ARID1B: variants seen among roughly 807,000 people sequenced by gnomAD.
The protein encoded by ARID1B is AT-rich interaction domain 1B.
In ARID1B, 30 loss-of-function variants were observed where a neutral mutation model predicts 212.3. The ratio of observed to expected loss-of-function variants is 0.14; its 90% CI spans 0.11 to 0.19. The LOEUF is 0.19. Ranked by LOEUF, ARID1B falls within the 10% of genes least tolerant of loss-of-function variation. The pLI, the probability that ARID1B is intolerant of heterozygous loss-of-function variation, is 1.00. For missense variants in ARID1B, 2,891 were observed against 3,204.0 expected (o/e 0.90, Z 2.36); for synonymous variants, 1,402 against 1,301.7 (o/e 1.08, Z -1.66).
At chr6:156,825,512 G>A (rs577082513) in intron 1 of ARID1B, among the ~76,000 whole-genome samples, 1 of 152,344 alleles carries the variant, frequency 6.6e-6, no homozygotes, top group East Asian at 1.9e-4. Flanking sequence ...TGATGGCAGT[G>A]ATGAGACAGA....
chr6:156,797,007 G>A (rs547839689), intron 1 of ARID1B, among the ~76,000 whole-genome samples: 189 of 148,018 alleles, frequency 1.3e-3, no homozygotes, highest in Middle Eastern at 3.4e-3. Flanking sequence ...GGAAAGGAGA[G>A]TGGTGAGTCA....
intron 2 of ARID1B, among the ~76,000 whole-genome samples, chr6:156,831,499 G>A (rs1016403414): frequency 6.6e-6 from 1 of 152,256 alleles, no homozygotes; most frequent in Admixed American, 6.5e-5. Flanking sequence ...AGTTCTAGAT[G>A]TTGGCTTAGT....
intron 2 of ARID1B, among the ~76,000 whole-genome samples, chr6:156,847,085 A>G (rs1408237145): frequency 6.6e-6 from 1 of 151,996 alleles, no homozygotes; most frequent in African/African-American, 2.4e-5. Flanking sequence ...GTCCCATGGA[A>G]GAGTAGAGAG....
chr6:157,164,769 A>T (rs1791204910), intron 8 of ARID1B: 1 of 152,270 alleles, frequency 6.6e-6, no homozygotes, highest in Non-Finnish European at 1.5e-5. Context: ...CAAAAGGCAT[A>T]GATGAAGCTA....
intron 4 of ARID1B, among the ~76,000 whole-genome samples, chr6:156,962,867 C>T (rs958400658): frequency 2.0e-5 from 3 of 152,168 alleles, no homozygotes; most frequent in Non-Finnish European, 4.4e-5. Context: ...ACTGCAACCT[C>T]TGCCTCCTGG....
rs566929684 is a variant in ARID1B at position 157,200,254 on chromosome 6, G to A, written c.4480-451G>A. 3.3e-5 allele frequency among the ~76,000 whole-genome samples: 5 copies of A among 152,230 alleles called. No homozygotes were observed. The highest frequency in any genetic ancestry group is 1.3e-4 in the Admixed American group (2 of 15,304). ...CAGTCTGGGGAGCCGAGTCCTGTTC[G>A]GGGGCTTTTCTGTAAAATGAGGCCC... On this transcript the variant is annotated intron_variant, in intron 17 of 19. Transcript: ENST00000636930. This position sits in a 1 kb window ranked among gnomAD's most constrained non-coding sequence, Gnocchi z 4.3.
chr6:156,887,567 A>G (rs1195495797), intron 2 of ARID1B, among the ~76,000 whole-genome samples: 1 of 152,084 alleles, frequency 6.6e-6, no homozygotes, highest in East Asian at 1.9e-4. Flanking sequence ...TGAAATTTTC[A>G]TTTTTGATGG....
At chr6:157,122,337 C>T (rs1339365180) in intron 6 of ARID1B, among the ~76,000 whole-genome samples, 1 of 152,196 alleles carries the variant, frequency 6.6e-6, no homozygotes, top group Non-Finnish European at 1.5e-5. Flanking sequence ...TTACTATTCA[C>T]AAGAGAATGC....
intron 4 of ARID1B, among the ~76,000 whole-genome samples, chr6:156,977,284 CT>C (rs199671090): frequency 0.056 from 7,240 of 128,696 alleles, 349 homozygotes; most frequent in African/African-American, 0.15. Context: ...CCTGTCTCCT[CT>C]TTTTTTTTTT....
intron 11 of ARID1B, among the ~76,000 whole-genome samples, chr6:157,177,140 G>T (rs1792150576): frequency 6.6e-6 from 1 of 152,050 alleles, no homozygotes; most frequent in Non-Finnish European, 1.5e-5. Context: ...CCATATATAT[G>T]ATCTCTTCCT....
chr6:156,894,117 ACAC>A (rs1788182438), intron 2 of ARID1B, among the ~76,000 whole-genome samples: 1 of 152,150 alleles, frequency 6.6e-6, no homozygotes, highest in Non-Finnish European at 1.5e-5. Context: ...AACATGATAC[ACAC>A]CACAACATGG....
intron 2 of ARID1B, among the ~76,000 whole-genome samples, chr6:156,898,028 A>C (rs1788625552): frequency 1.3e-5 from 2 of 152,148 alleles, no homozygotes; most frequent in Admixed American, 1.3e-4. Flanking sequence ...GTTTCACTAC[A>C]TAACTAAATC....
intron 8 of ARID1B, among the ~76,000 whole-genome samples, chr6:157,153,009 C>CAG (rs1239133961): frequency 6.6e-6 from 1 of 152,148 alleles, no homozygotes; most frequent in Non-Finnish European, 1.5e-5. Flanking sequence ...TAGATAAAAA[C>CAG]AGAATGCTCA....
At chr6:156,797,179 G>A (rs1371521501) in intron 1 of ARID1B, among the ~76,000 whole-genome samples, 1 of 152,124 alleles carries the variant, frequency 6.6e-6, no homozygotes, top group African/African-American at 2.4e-5. Flanking sequence ...CTAGGGGCTG[G>A]GGATACCACA....
At chr6:156,956,487 A>G (rs1245740949) in intron 4 of ARID1B, among the ~76,000 whole-genome samples, 1 of 152,204 alleles carries the variant, frequency 6.6e-6, no homozygotes, top group Non-Finnish European at 1.5e-5. Flanking sequence ...CTCTAGGGAC[A>G]GCAGCCCTTT....
chr6:156,812,992 G>GTATGTATATACATATATATACACATACA (rs1562404216), intron 1 of ARID1B, among the ~76,000 whole-genome samples: 7 of 135,708 alleles, frequency 5.2e-5, no homozygotes, highest in Non-Finnish European at 9.3e-5. Context: ...ATATACATAC[G>GTATGTATATACATATATATACACATACA]TATGTATATA....
At chr6:157,127,328 C>T (rs1387704713) in intron 6 of ARID1B, among the ~76,000 whole-genome samples, 2 of 152,148 alleles carry the variant, frequency 1.3e-5, no homozygotes, top group Non-Finnish European at 2.9e-5. Flanking sequence ...GGTTACCATG[C>T]TACCTGTCCT....
At chr6:157,004,654 C>T (rs186371036) in intron 4 of ARID1B, among the ~76,000 whole-genome samples, 69 of 152,240 alleles carry the variant, frequency 4.5e-4, no homozygotes, top group Admixed American at 8.5e-4. Flanking sequence ...GAAATGTGTT[C>T]GGAACAGCCG....
At chr6:156,801,866 CTG>C (rs1353199791) in intron 1 of ARID1B, among the ~76,000 whole-genome samples, 2 of 152,026 alleles carry the variant, frequency 1.3e-5, no homozygotes, top group Non-Finnish European at 2.9e-5. Context: ...GAACTTTAAC[CTG>C]TGGCCTGGTA....
Sources: allele counts gnomAD v4.1 joint callset (sites outside exome capture counted in the v4.1 genomes callset), GRCh38; gene constraint gnomAD v4.1.1; non-coding constraint Gnocchi (gnomAD v3.1); transcripts MANE v1.5; gene names NCBI Gene and HGNC (gene_info 2026-07-23, HGNC 2026-07-21).